Variants in DLG2 observed in about 807,000 individuals in gnomAD.
DLG2 encodes discs large MAGUK scaffold protein 2, also known as disks large homolog 2.
Under a neutral mutation model 132.5 loss-of-function variants are expected in DLG2, and 45 were observed. The ratio of observed to expected loss-of-function variants is 0.34; its 90% CI spans 0.27 to 0.44. The LOEUF (loss-of-function observed/expected upper bound fraction) is 0.44. DLG2 is among the 20% of genes least tolerant of loss of function. DLG2 has a pLI of 1.00. For synonymous variants in DLG2, 424 were observed against 419.6 expected (o/e 1.01, Z -0.13); for missense variants, 1,045 against 1,196.9 (o/e 0.87, Z 1.87).
intron 19 of DLG2, among the ~76,000 whole-genome samples, chr11:83,563,978 T>A (rs2096658512): frequency 6.6e-6 from 1 of 152,170 alleles, no homozygotes; most frequent in South Asian, 2.1e-4. Context: ...TTATCCATTG[T>A]TTTGATTTAT....
rs150164587 is a variant in DLG2, at chr11:84,906,426, G to A, written c.357+205235C>T. Among the ~76,000 whole-genome samples, 269 of 141,402 alleles carry A rather than the reference G, an allele frequency of 1.9e-3. 1 individual carries two copies. The highest frequency in any genetic ancestry group is 6.6e-3 in the African/African-American group (260 of 39,268). The allele number at this position is 141,402 out of a possible 152,430, so 92.8% of individuals were successfully genotyped here. A position where few individuals can be genotyped will look rare whatever the true frequency, so the allele number is the denominator to read the frequency against. On this transcript the variant is annotated intron_variant, in intron 6 of 27. Transcript: ENST00000376104. ...CACACACACACACAGAGAGCCAAGG[G>A]GTGGCAATAATTAGTGTGCTTTAAG...
intron 6 of DLG2, among the ~76,000 whole-genome samples, chr11:84,539,754 T>C (rs1385339859): frequency 6.6e-6 from 1 of 152,050 alleles, no homozygotes; most frequent in Non-Finnish European, 1.5e-5. Context: ...GCCAAGACAA[T>C]CCTAAGCCAA....
chr11:85,252,394 C>G (rs2076440745), intron 4 of DLG2, among the ~76,000 whole-genome samples: 1 of 152,224 alleles, frequency 6.6e-6, no homozygotes, highest in African/African-American at 2.4e-5. Flanking sequence ...CAAGACCATC[C>G]TGGCTAACAC....
At chr11:85,159,241 T>G (rs1345963717) in intron 4 of DLG2, among the ~76,000 whole-genome samples, 1 of 152,176 alleles carries the variant, frequency 6.6e-6, no homozygotes, top group Non-Finnish European at 1.5e-5. Flanking sequence ...TTCATGGAGC[T>G]TTAGCTTGGA....
At chr11:84,940,597 T>C (rs1368848430) in intron 6 of DLG2, among the ~76,000 whole-genome samples, 2 of 152,246 alleles carry the variant, frequency 1.3e-5, no homozygotes, top group Non-Finnish European at 2.9e-5. Context: ...TATTGAGTTA[T>C]TTGAGCTATT....
intron 4 of DLG2, among the ~76,000 whole-genome samples, chr11:85,189,274 A>C (rs1369507798): frequency 1.3e-5 from 2 of 152,192 alleles, no homozygotes; most frequent in Non-Finnish European, 2.9e-5. Context: ...GGAAAACAAA[A>C]TAAAGTCATT....
chr11:85,286,259 G>A, intron 3 of DLG2: 1 of 267,448 alleles, frequency 3.7e-6, no homozygotes. Context: ...GTGAATGGAT[G>A]GTAGATGATG....
chr11:85,061,734 T>C (rs1329733566), intron 6 of DLG2, among the ~76,000 whole-genome samples: 1 of 151,946 alleles, frequency 6.6e-6, no homozygotes, highest in Non-Finnish European at 1.5e-5. Flanking sequence ...CATATATGTG[T>C]ACTGTATTTT....
In DLG2 at chr11:83,472,763, G is replaced by T. The variant is rs2092217279; in HGVS notation, c.2308C>A (p.Leu770Ile). ...TSDPERGQED[L>I]ILSYEPVTRQ... is the part of the protein sequence containing the mutation. Reference sequence around the variant, plus strand: ...GTAACAGGCTCATAGGAAAGAATGAGGTCTTCTTGTCCTCCTGAGAAGAGA... The same window carrying T: ...GTAACAGGCTCATAGGAAAGAATGATGTCTTCTTGTCCTCCTGAGAAGAGA... Residue 770 changes from leucine (L) to isoleucine (I), a missense_variant, in exon 23 of 28, where the codon CTC becomes ATC. By Grantham distance (5) the Leu-to-Ile change is conservative. This residue lies in a region of DLG2 where 398 missense variants were observed against 543.6 expected (regional missense o/e 0.73). Coordinates refer to ENST00000376104, the MANE Select transcript of DLG2 (RefSeq NM_001142699.3). 3.7e-6 allele frequency: 6 copies of T among 1,611,778 alleles called. No individual in the cohort carries two copies. The highest frequency in any genetic ancestry group is 4.2e-6 in the Non-Finnish European group (5 of 1,178,764).
chr11:84,206,923 T>C (rs183191262), intron 8 of DLG2, among the ~76,000 whole-genome samples: 6 of 152,114 alleles, frequency 3.9e-5, no homozygotes, highest in Admixed American at 1.3e-4. Flanking sequence ...GGGAATTCAG[T>C]AACGTCTTAG....
In DLG2 at chr11:85,219,757, C is replaced by T. The variant is rs547775392; in HGVS notation, c.187-65106G>A. On this transcript the variant is annotated intron_variant, in intron 4 of 27. Coordinates refer to ENST00000376104, the MANE Select transcript of DLG2 (RefSeq NM_001142699.3). ...CTTAACTAGATTATATCTGCAAAGA[C>T]CTTACTTCCAAATAAGGTCACATTC... 4.0e-5 allele frequency among the ~76,000 whole-genome samples: 6 copies of T among 149,550 alleles called. No individual in the cohort carries two copies. In the South Asian group the frequency reaches 1.3e-3, roughly 32 times the overall value.
chr11:84,529,302 G>T (rs1194929326), intron 7 of DLG2, among the ~76,000 whole-genome samples: 1 of 152,114 alleles, frequency 6.6e-6, no homozygotes, highest in Middle Eastern at 3.2e-3. Context: ...AAAGCAATCA[G>T]GCAAGAGAAA....
intron 3 of DLG2, among the ~76,000 whole-genome samples, chr11:85,366,373 A>C (rs1375274869): frequency 1.3e-5 from 2 of 152,104 alleles, no homozygotes; most frequent in Non-Finnish European, 2.9e-5. Context: ...TATATAAATA[A>C]ATATCTAAAA....
At chr11:84,043,563 G>A (rs955144820) in intron 11 of DLG2, among the ~76,000 whole-genome samples, 1 of 151,652 alleles carries the variant, frequency 6.6e-6, no homozygotes, top group African/African-American at 2.4e-5. Flanking sequence ...AGGCCCCAGT[G>A]TATGTTGTTT....
At chr11:85,013,449 G>C (rs987134812) in intron 6 of DLG2, among the ~76,000 whole-genome samples, 1 of 152,066 alleles carries the variant, frequency 6.6e-6, no homozygotes, top group Non-Finnish European at 1.5e-5. Flanking sequence ...GATAAATAAC[G>C]ATTTTGTGAT....
chr11:83,937,035 G>A (rs1227214560), intron 14 of DLG2, among the ~76,000 whole-genome samples: 2 of 152,072 alleles, frequency 1.3e-5, no homozygotes, highest in Non-Finnish European at 2.9e-5. Flanking sequence ...TTACACTTTT[G>A]TAAACCTGCT....
chr11:84,095,577 C>T (rs1162918296), intron 10 of DLG2, among the ~76,000 whole-genome samples: 2 of 152,078 alleles, frequency 1.3e-5, no homozygotes, highest in East Asian at 1.9e-4. Context: ...TTAGTTGAGG[C>T]GATGGTGTTA....
At chr11:84,362,953 A>C (rs1455019939) in intron 7 of DLG2, among the ~76,000 whole-genome samples, 1 of 152,064 alleles carries the variant, frequency 6.6e-6, no homozygotes. Context: ...TATTGTGAAT[A>C]GTGCTGCAAT....
chr11:84,338,392 A>AT (rs536214762), intron 7 of DLG2, among the ~76,000 whole-genome samples: 52 of 151,448 alleles, frequency 3.4e-4, no homozygotes, highest in African/African-American at 9.9e-4. Flanking sequence ...TTTATAACTT[A>AT]TTTTTTTTTC....
Sources: gnomAD v4.1 joint callset for allele counts (sites outside exome capture counted in the v4.1 genomes callset) on GRCh38, gnomAD v4.1.1 for gene constraint, gnomAD v4.1.1 regional missense constraint, MANE v1.5 for transcripts, NCBI Gene and HGNC (gene_info 2026-07-23, HGNC 2026-07-21) for gene names.